The following HMGA1 variants were observed in gnomAD, a reference collection of about 807,000 sequenced individuals.
HMGA1 encodes the protein high mobility group protein HMG-I/HMG-Y.
HMGA1 carries 1 observed loss-of-function variant against 15.1 expected under a neutral mutation model. The ratio of observed to expected loss-of-function variants is 0.07; its 90% CI spans 0.02 to 0.31. The LOEUF (loss-of-function observed/expected upper bound fraction) is 0.31, where lower values mean the gene tolerates loss of function less well. Among genes scored for constraint, HMGA1 ranks in the 10% least tolerant of loss-of-function variants. The pLI is 1.00. For synonymous variants in HMGA1, 56 were observed against 54.8 expected (o/e 1.02, Z -0.10); for missense variants, 94 against 141.4 (o/e 0.66, Z 1.70).
chr6:34,241,115 G>A (rs919663657), intron 3 of HMGA1, among the ~76,000 whole-genome samples, 200 bp downstream of exon 3: 3 of 152,174 alleles, frequency 2.0e-5, no homozygotes, highest in Non-Finnish European at 2.9e-5. Context: ...CCCCAGGAGA[G>A]AACCGGGGGC....
At chr6:34,237,868 CCG>C (rs953241545) in intron 2 of HMGA1, among the ~76,000 whole-genome samples, 3 of 151,952 alleles carry the variant, frequency 2.0e-5, no homozygotes, top group Admixed American at 6.5e-5. Flanking sequence ...CGCGCCCCCT[CCG>C]CAGATGAGGC....
intron 2 of HMGA1, among the ~76,000 whole-genome samples, chr6:34,239,965 C>CA (rs1032834212): frequency 5.3e-5 from 8 of 151,986 alleles, no homozygotes; most frequent in African/African-American, 1.7e-4. Flanking sequence ...ACCCATCTGA[C>CA]AAAGTCCCAT....
intron 2 of HMGA1, among the ~76,000 whole-genome samples, chr6:34,240,275 A>G (rs1762191834): frequency 6.6e-6 from 1 of 152,196 alleles, no homozygotes; most frequent in Admixed American, 6.5e-5. Flanking sequence ...CCAGATCGCA[A>G]GGTCTCATTC....
intron 2 of HMGA1, 60 bp from the exon 3 acceptor site, chr6:34,240,677 G>T: frequency 7.5e-7 from 1 of 1,331,570 alleles, no homozygotes; most frequent in African/African-American, 1.4e-5. Flanking sequence ...TGTGGGTGAT[G>T]AGGGGGTAGA....
At chr6:34,237,376 C>T (rs1761850480) in intron 2 of HMGA1, 59 bp downstream of exon 2, 1 of 145,396 alleles carries the variant, frequency 6.9e-6, no homozygotes, top group South Asian at 2.1e-4. Context: ...GCGCCCCCGC[C>T]CGCACGTCGC....
In HMGA1 at chr6:34,245,396, T is replaced by C. The variant is rs1762664026; in HGVS notation, c.*512T>C. On this transcript the variant is annotated 3_prime_UTR_variant, in exon 6 of 6. Transcript: ENST00000311487. The stretch of plus-strand genomic sequence containing the variant: ...CCCTGGCAGCAGCAGGTGTGGCCAA[T>C]GGAGGGGGGTGCTGGCCCCCAGGAT... 2 of 1,356,198 alleles carry C rather than the reference T, an allele frequency of 1.5e-6. No homozygotes were observed. The highest frequency in any genetic ancestry group is 2.9e-5 in the African/African-American group (2 of 69,510). 84.0% of individuals were successfully genotyped at this position (1,356,198 alleles called of 1,614,324 possible).
At chr6:34,240,353 CAGA>C (rs1762199111) in intron 2 of HMGA1, among the ~76,000 whole-genome samples, 1 of 152,186 alleles carries the variant, frequency 6.6e-6, no homozygotes, top group South Asian at 2.1e-4. Context: ...CAGTTGACTA[CAGA>C]AGGAGGGGAT....
intron 2 of HMGA1, among the ~76,000 whole-genome samples, chr6:34,240,511 C>G (rs2127541859): frequency 6.6e-6 from 1 of 152,226 alleles, no homozygotes; most frequent in African/African-American, 2.4e-5. Context: ...CAACAAAGAG[C>G]CCTTCTGAAC....
rs966747734 is a variant in HMGA1 at position 34,240,797 on chromosome 6, C to T, written c.17C>T (p.Ser6Leu). Residue 6 changes from serine to leucine, a missense_variant, in exon 3 of 6, where the codon TCG (serine) becomes TTG (leucine). By Grantham distance (145) the Ser-to-Leu change is moderately radical. Transcript: ENST00000311487. The part of the protein sequence containing the change: MSESS[S>L]KSSQPLASKQ... ...GAAGGGAAGATGAGTGAGTCGAGCT[C>T]GAAGTCCAGCCAGCCCTTGGCCTCC... 1.9e-6 allele frequency: 3 copies of T among 1,612,514 alleles called. No homozygotes were observed. Among genetic ancestry groups the T allele is most frequent in the Non-Finnish European group, 2.5e-6 (3 of 1,179,888 alleles).
At chr6:34,238,968 G>A (rs1042753454) in intron 2 of HMGA1, 1 of 152,208 alleles carries the variant, frequency 6.6e-6, no homozygotes, top group Non-Finnish European at 1.5e-5. Flanking sequence ...GTCAGCACTC[G>A]TTTAGTTGAT....
chr6:34,238,151 G>C (rs1366700650), intron 2 of HMGA1, among the ~76,000 whole-genome samples: 1 of 152,160 alleles, frequency 6.6e-6, no homozygotes, highest in Non-Finnish European at 1.5e-5. Context: ...AGGCGGGCTT[G>C]GGTGCCCCCT....
At chr6:34,238,650 G>C (rs1447400742) in intron 2 of HMGA1, 1 of 152,292 alleles carries the variant, frequency 6.6e-6, no homozygotes, top group Non-Finnish European at 1.5e-5. Flanking sequence ...GAGGGATTGG[G>C]GTTAGGCCCT....
chr6:34,243,393 C>A, intron 4 of HMGA1, 75 bp from the exon 5 acceptor site: 1 of 1,156,018 alleles, frequency 8.7e-7, no homozygotes, highest in East Asian at 2.5e-5. Context: ...TAGGTCTGCC[C>A]CCCATCACTA....
chr6:34,241,666 TA>T (rs1443218366), intron 3 of HMGA1, among the ~76,000 whole-genome samples: 2 of 152,184 alleles, frequency 1.3e-5, no homozygotes, highest in Non-Finnish European at 2.9e-5. Context: ...GGGGACCCCA[TA>T]TTGGCCTCTT....
At position 34,242,750 on chromosome 6, in the gene HMGA1, G is replaced by A; in HGVS notation, c.174G>A (p.Arg58=). The change falls in exon 4 of 6, where the codon CGG becomes CGA. Residue 58 remains arginine (R), a synonymous_variant. Transcript: ENST00000311487. ...AAGTGCCAACACCTAAGAGACCTCG[G>A]GGCCGACCAAAGGGAAGCAAAAACA... The part of the protein sequence containing the change: ...PSEVPTPKRP[R]GRPKGSKNKG... The A allele has an allele frequency of 6.3e-7, 1 of 1,593,522 alleles. No individual in the cohort carries two copies. The highest frequency in any genetic ancestry group is 8.6e-7 in the Non-Finnish European group (1 of 1,168,516).
At chr6:34,244,759 G>GTGGGGCCAGCCTC in intron 5 of HMGA1, 72 bp from the exon 6 acceptor site, 1 of 1,300,616 alleles carries the variant, frequency 7.7e-7, no homozygotes, top group East Asian at 2.5e-5. Context: ...CAGGGAGCGG[G>GTGGGGCCAGCCTC]TGGGGCCAGC....
chr6:34,240,325 CTTAA>C (rs554536647), intron 2 of HMGA1, among the ~76,000 whole-genome samples: 181 of 152,290 alleles, frequency 1.2e-3, no homozygotes, highest in Middle Eastern at 0.01. Flanking sequence ...TGGATTTTCT[CTTAA>C]AGAGAAAGGG....
Position 34,245,119 on chromosome 6 carries a change from T to G in HMGA1, c.*235T>G. On this transcript the variant is annotated 3_prime_UTR_variant, in exon 6 of 6. Transcript: ENST00000311487. ...TTTTCCCCTGGCCTCAGTTCCCAGCTCCCCCCGCCCACCCACGCATACACA... is the reference window on the plus strand; with the variant it reads ...TTTTCCCCTGGCCTCAGTTCCCAGCGCCCCCCGCCCACCCACGCATACACA... 1.3e-6 allele frequency: 2 copies of G among 1,501,618 alleles called. No homozygotes were observed. Among genetic ancestry groups the G allele is most frequent in the Non-Finnish European group, 1.8e-6 (2 of 1,124,586 alleles). 93.0% of individuals were successfully genotyped at this position (1,501,618 alleles called of 1,614,324 possible). A position where few individuals can be genotyped will look rare whatever the true frequency, so the allele number is the denominator to read the frequency against.
chr6:34,242,866 C>T (rs1201752463), intron 4 of HMGA1, 71 bp downstream of exon 4: 11 of 1,183,166 alleles, frequency 9.3e-6, no homozygotes, highest in South Asian at 7.8e-5. Context: ...ACCATGGCCA[C>T]GGCTGTGGGG....
Sources: allele counts gnomAD v4.1 joint callset (sites outside exome capture counted in the v4.1 genomes callset), GRCh38; gene constraint gnomAD v4.1.1; transcripts MANE v1.5; gene names NCBI Gene and HGNC (gene_info 2026-07-23, HGNC 2026-07-21).